Variants in PHF3 observed in about 807,000 individuals in gnomAD.
PHF3 encodes the protein PHD finger protein 3.
In PHF3, 41 loss-of-function variants were observed where a neutral mutation model predicts 178.4. The observed-to-expected ratio is 0.23, with a 90% CI of 0.18 to 0.30. The LOEUF (loss-of-function observed/expected upper bound fraction) is 0.30, where lower values mean the gene tolerates loss of function less well. Ranked by LOEUF, PHF3 falls within the 10% of genes least tolerant of loss-of-function variation. The probability of loss-of-function intolerance (pLI) is 1.00; values close to 1 mark genes in which losing one functional copy is unlikely to be tolerated. For missense variants in PHF3, 2,346 were observed against 2,398.1 expected (o/e 0.98, Z 0.45); for synonymous variants, 842 against 800.5 (o/e 1.05, Z -0.88).
chr6:63,655,187 C>T (rs1412888577), intron 2 of PHF3, among the ~76,000 whole-genome samples: 3 of 152,150 alleles, frequency 2.0e-5, no homozygotes, highest in East Asian at 1.9e-4. Flanking sequence ...CCTCAGCCTC[C>T]TAAGTAGCTG....
chr6:63,709,237 C>G lies in PHF3; in HGVS notation c.3798C>G (p.Thr1266=). The part of the protein sequence containing the change: ...DYVEKIKASG[T]KEICVVRFTP... ...TGGAAAAAATAAAAGCATCAGGAAC[C>G]AAGGTGAGGAAAACTTTTTTCACTA... The change falls in exon 14 of 16, where the codon ACC becomes ACG. Residue 1266 remains threonine (T), a synonymous_variant. Transcript: ENST00000262043. The G allele has an allele frequency of 6.2e-7, 1 of 1,603,506 alleles. No homozygotes were observed. The highest frequency in any genetic ancestry group is 2.2e-5 in the East Asian group (1 of 44,680).
At chr6:63,689,349 A>G (rs1049628297) in intron 4 of PHF3, among the ~76,000 whole-genome samples, 5 of 152,156 alleles carry the variant, frequency 3.3e-5, no homozygotes, top group Non-Finnish European at 1.5e-5. Flanking sequence ...CTTGGCCCCA[A>G]TTGTAGAAGA....
chr6:63,706,705 A>C (rs753924957), intron 12 of PHF3, 24 bp from the exon 13 acceptor site: 1 of 1,609,814 alleles, frequency 6.2e-7, no homozygotes, highest in African/African-American at 1.3e-5. Context: ...GCTTGTCTTT[A>C]GGCTTTTTAA....
intron 2 of PHF3, among the ~76,000 whole-genome samples, chr6:63,665,358 T>G (rs960207413): frequency 1.3e-5 from 2 of 152,116 alleles, no homozygotes; most frequent in African/African-American, 2.4e-5. Context: ...AATGTGTAAT[T>G]TATTAAGTAT....
intron 2 of PHF3, among the ~76,000 whole-genome samples, chr6:63,658,828 TG>T (rs1765348715): frequency 6.6e-6 from 1 of 151,834 alleles, no homozygotes; most frequent in South Asian, 2.1e-4. Context: ...TTGTGGAGAC[TG>T]GCTGGCAAGC....
intron 9 of PHF3, 70 bp downstream of exon 9, chr6:63,700,536 A>T (rs1003940013): frequency 1.2e-6 from 1 of 823,850 alleles, no homozygotes; most frequent in Non-Finnish European, 2.1e-6. Context: ...TAAAAATTAT[A>T]CAGAGGTAAA....
intron 6 of PHF3, among the ~76,000 whole-genome samples, chr6:63,695,410 CATT>C (rs1762464229): frequency 3.3e-5 from 5 of 152,132 alleles, no homozygotes; most frequent in Admixed American, 3.3e-4. Context: ...CTTTCAGGAA[CATT>C]ATTAGTAGGA....
chr6:63,712,295 A>G lies in PHF3; in HGVS notation c.4707A>G (p.Thr1569=). Residue 1569 remains threonine, a synonymous_variant, in exon 16 of 16, where the codon ACA becomes ACG. Coordinates refer to ENST00000262043, the MANE Select transcript of PHF3 (RefSeq NM_001370348.2). ...GAGGTAAGCCACCAGATGTTTCTAC[A>G]GAAGCATTTTTAACAAATTTATCAA... ...SLRGKPPDVS[T]EAFLTNLSIQ... 6.2e-7 allele frequency: 1 copy of G among 1,613,462 alleles called. No individual in the cohort carries two copies. The highest frequency in any genetic ancestry group is 1.1e-5 in the South Asian group (1 of 90,942).
At position 63,712,765 on chromosome 6, in the gene PHF3, A is replaced by G; in HGVS notation, c.5177A>G (p.Glu1726Gly). Residue 1726 changes from glutamate (E) to glycine (G), a missense_variant, in exon 16 of 16, where the codon GAA becomes GGA. Physicochemically the swap from Glu to Gly is moderately conservative, Grantham distance 98. Around this residue, in one of 8 missense-constraint regions of PHF3, gnomAD observed 839 missense variants for 806.9 expected, o/e 1.04. Coordinates refer to ENST00000262043, the MANE Select transcript of PHF3 (RefSeq NM_001370348.2). Reference protein sequence around the residue: ...LKVAQNSPSVENIQTSQAEQA... With the variant: ...LKVAQNSPSVGNIQTSQAEQA... ...GTTGCACAAAACTCACCATCAGTAG[A>G]AAACATACAGACTTCTCAAGCAGAA... 6.2e-7 allele frequency: 1 copy of G among 1,613,964 alleles called. No homozygotes were observed. The highest frequency in any genetic ancestry group is 2.2e-5 in the East Asian group (1 of 44,856).
chr6:63,717,935 T>G lies in PHF3; in HGVS notation c.*4227T>G, dbSNP rs1017447614. On this transcript the variant is annotated 3_prime_UTR_variant, in exon 16 of 16. Coordinates refer to ENST00000262043, the MANE Select transcript of PHF3 (RefSeq NM_001370348.2). ...TTTACATTCAACACTTTGAGAAACCTCATACATTTATAGTAAAATCTTAAA... is the reference window on the plus strand; with the variant it reads ...TTTACATTCAACACTTTGAGAAACCGCATACATTTATAGTAAAATCTTAAA... Among the ~76,000 whole-genome samples the G allele has an allele frequency of 4.6e-5, 7 of 152,044 alleles. No individual in the cohort carries two copies. Among genetic ancestry groups the G allele is most frequent in the African/African-American group, 1.7e-4 (7 of 41,440 alleles).
chr6:63,698,930 CTA>C lies in PHF3; in HGVS notation c.2982+327_2982+328del, dbSNP rs542374731. Among the ~76,000 whole-genome samples the C allele has an allele frequency of 3.1e-3, 467 of 152,170 alleles. 3 individuals carry two copies. Among genetic ancestry groups the C allele is most frequent in the South Asian group, 7.9e-3 (38 of 4,830 alleles). ...AACTTTTAAGCTAAAATTTATAACA[CTA>C]TTTTTTTCTTAAATCTGAAAATAGA... is the stretch of plus-strand genomic sequence containing the variant. On this transcript the variant is annotated intron_variant, in intron 8 of 15. Transcript: ENST00000262043.
At chr6:63,683,222 C>T (rs1436322842) in intron 3 of PHF3, among the ~76,000 whole-genome samples, 9 of 151,794 alleles carry the variant, frequency 5.9e-5, no homozygotes, top group Admixed American at 6.6e-5. Flanking sequence ...ATCAGAACTA[C>T]GAGCAACACC....
intron 11 of PHF3, among the ~76,000 whole-genome samples, chr6:63,704,853 C>T (rs991004716): frequency 2.0e-5 from 3 of 152,110 alleles, no homozygotes; most frequent in Non-Finnish European, 4.4e-5. Context: ...TTTTGCCTTC[C>T]TGCCAGCAAC....
At chr6:63,657,464 G>C (rs1189977388) in intron 2 of PHF3, among the ~76,000 whole-genome samples, 1 of 152,132 alleles carries the variant, frequency 6.6e-6, no homozygotes, top group African/African-American at 2.4e-5. Context: ...TACATTATAT[G>C]TTACGTGTAT....
rs1766367697 is a variant in PHF3, at chr6:63,680,161, G to A, written c.406G>A (p.Glu136Lys). The A allele has an allele frequency of 6.3e-7, 1 of 1,599,574 alleles. No individual in the cohort carries two copies. Among genetic ancestry groups the A allele is most frequent in the Non-Finnish European group, 8.5e-7 (1 of 1,174,514 alleles). Reference protein sequence around the residue: ...PRKSPRLMAQEQVRSLRQSTI... With the variant: ...PRKSPRLMAQKQVRSLRQSTI... The stretch of plus-strand genomic sequence containing the variant: ...AAAATCACCTCGTTTAATGGCACAA[G>A]GTAATCCTTTGAGAGAGGTCTAGCT... The change falls in exon 3 of 16, where the codon GAA becomes AAA. Residue 136 changes from glutamate (E) to lysine (K), a missense_variant and splice_region_variant. Transcript: ENST00000262043.
chr6:63,648,687 G>A (rs996753958), intron 2 of PHF3, among the ~76,000 whole-genome samples: 6 of 151,996 alleles, frequency 3.9e-5, no homozygotes, highest in Admixed American at 6.6e-5. Flanking sequence ...TTTATTATTC[G>A]TTTGTGATTC....
rs554063816 is a variant in PHF3 at position 63,698,307 on chromosome 6, C to T, written c.2765C>T (p.Pro922Leu). 1 of 1,612,766 alleles carries T rather than the reference C, an allele frequency of 6.2e-7. No individual in the cohort carries two copies. Among genetic ancestry groups the T allele is most frequent in the Non-Finnish European group, 8.5e-7 (1 of 1,179,122 alleles). Residue 922 changes from proline (P) to leucine (L), a missense_variant, in exon 7 of 16, where the codon CCT (proline) becomes CTT (leucine). By Grantham distance (98) the Pro-to-Leu change is moderately conservative. Transcript: ENST00000262043. ...NVHPAASASK[P>L]SADQIRQSVR... is the part of the protein sequence containing the mutation. The stretch of plus-strand genomic sequence containing the variant: ...CATCCTGCTGCTTCTGCTTCCAAGC[C>T]TTCTGCAGATCAGATCAGGCAAAGT...
At chr6:63,678,448 C>T (rs1053897300) in intron 2 of PHF3, among the ~76,000 whole-genome samples, 4 of 152,088 alleles carry the variant, frequency 2.6e-5, no homozygotes, top group African/African-American at 9.7e-5. Context: ...AAAGCGTGGG[C>T]TCTATTTTTA....
chr6:63,662,820 A>G (rs183318909), intron 2 of PHF3, among the ~76,000 whole-genome samples: 2 of 152,364 alleles, frequency 1.3e-5, no homozygotes. Flanking sequence ...AGAATATCCA[A>G]AATGGTGACA....
Sources: allele counts gnomAD v4.1 joint callset (sites outside exome capture counted in the v4.1 genomes callset), GRCh38; gene constraint gnomAD v4.1.1; regional missense constraint gnomAD v4.1.1; transcripts MANE v1.5; gene names NCBI Gene and HGNC (gene_info 2026-07-23, HGNC 2026-07-21).